Variants in SAMMSON observed in about 807,000 individuals in gnomAD.
SAMMSON encodes survival associated mitochondrial melanoma specific oncogenic non-coding RNA, also known as long intergenic non-protein coding RNA 1212.
At chr3:70,141,640 A>T (rs1312458345) in intron 4 of SAMMSON, among the ~76,000 whole-genome samples, 1 of 152,230 alleles carries the variant, frequency 6.6e-6, no homozygotes, top group Admixed American at 6.5e-5. Flanking sequence ...TAGTAAAAAT[A>T]GTGTATGTTT....
At chr3:70,264,691 T>C (rs796667457) in intron 6 of SAMMSON, among the ~76,000 whole-genome samples, 17 of 152,346 alleles carry the variant, frequency 1.1e-4, no homozygotes, top group African/African-American at 3.8e-4. Flanking sequence ...ACAGTGAACA[T>C]GGCAGATGCA....
chr3:70,369,449 G>A (rs566932962), intron 9 of SAMMSON, among the ~76,000 whole-genome samples: 14 of 151,236 alleles, frequency 9.3e-5, no homozygotes, highest in Non-Finnish European at 1.8e-4. Context: ...GAAATTTTCT[G>A]TAAGACAATT....
At chr3:70,413,222 T>G (rs182778033) in intron 2 of SAMMSON, among the ~76,000 whole-genome samples, 14 of 152,288 alleles carry the variant, frequency 9.2e-5, no homozygotes, top group African/African-American at 2.9e-4. Flanking sequence ...CAGAAATTCT[T>G]TAGCCTTCTT....
At chr3:70,045,592 C>T (rs767107912) in intron 3 of SAMMSON, among the ~76,000 whole-genome samples, 4 of 151,776 alleles carry the variant, frequency 2.6e-5, no homozygotes, top group Non-Finnish European at 4.4e-5. Flanking sequence ...TTGCTTCTTC[C>T]GCCCCCACTC....
rs371634019 is a variant in SAMMSON, at chr3:70,125,895, A to G, written n.507+54330A>G. The G allele has an allele frequency of 8.5e-5, 59 of 693,648 alleles. 1 individual carries two copies. Among genetic ancestry groups the G allele is most frequent in the South Asian group, 6.8e-4 (45 of 66,536 alleles). 43.0% of individuals were successfully genotyped at this position (693,648 alleles called of 1,614,324 possible). ...CACTGCTGTCATCTTCTAATTCTTCACTAGATAATTCCTCATCGTCTTCTG... is the reference window on the plus strand; with the variant it reads ...CACTGCTGTCATCTTCTAATTCTTCGCTAGATAATTCCTCATCGTCTTCTG... On this transcript the variant is annotated intron_variant and non_coding_transcript_variant, in intron 4 of 9. Coordinates refer to ENST00000642114, the Ensembl canonical transcript of SAMMSON.
intron 4 of SAMMSON, chr3:70,140,255 C>T (rs1327683192): frequency 2.2e-5 from 4 of 182,042 alleles, no homozygotes; most frequent in Middle Eastern, 2.9e-3. Flanking sequence ...TGACCAGGTC[C>T]GAAGATCTCA....
rs543841158 is a variant in SAMMSON at position 70,236,197 on chromosome 3, C to T, written n.508-12910C>T. ...ATGACTGCTAAATCCAAACTAAAATCGACTTGGCCCCTTGTGATCTACAGA... is the reference window on the plus strand; with the variant it reads ...ATGACTGCTAAATCCAAACTAAAATTGACTTGGCCCCTTGTGATCTACAGA... On this transcript the variant is annotated intron_variant and non_coding_transcript_variant, in intron 4 of 9. Transcript: ENST00000642114. 1.1e-4 allele frequency among the ~76,000 whole-genome samples: 16 copies of T among 152,270 alleles called. No homozygotes were observed. In the South Asian group the frequency reaches 1.7e-3, roughly 16 times the overall value.
chr3:70,230,634 A>G (rs1439838337), intron 4 of SAMMSON, among the ~76,000 whole-genome samples: 9 of 152,192 alleles, frequency 5.9e-5, no homozygotes, highest in Non-Finnish European at 4.4e-5. Flanking sequence ...AACAACAACA[A>G]AAAAAGTTGA....
chr3:70,246,848 A>C (rs1236646618), intron 4 of SAMMSON, among the ~76,000 whole-genome samples: 2 of 152,024 alleles, frequency 1.3e-5, no homozygotes, highest in African/African-American at 4.8e-5. Flanking sequence ...AAACAACCCT[A>C]CCATCTTAAA....
At chr3:70,191,214 T>G (rs1156686241) in intron 4 of SAMMSON, among the ~76,000 whole-genome samples, 2 of 152,250 alleles carry the variant, frequency 1.3e-5, no homozygotes, top group African/African-American at 4.8e-5. Context: ...AAATAAGTTG[T>G]GGCTTTGTAA....
chr3:70,109,450 G>T (rs1025806334), intron 4 of SAMMSON, among the ~76,000 whole-genome samples: 1 of 152,132 alleles, frequency 6.6e-6, no homozygotes, highest in Admixed American at 6.5e-5. Flanking sequence ...CACATACAGA[G>T]GTGCTTAAAG....
chr3:70,418,394 A>G (rs1430429911), intron 2 of SAMMSON, among the ~76,000 whole-genome samples: 2 of 152,134 alleles, frequency 1.3e-5, no homozygotes, highest in African/African-American at 2.4e-5. Context: ...TCAGGTACTT[A>G]TGTATTATCT....
Position 70,002,472 on chromosome 3 carries a change from CAAAG to C in SAMMSON, n.22+2609_22+2612del, listed in dbSNP as rs2066909952. Among the ~76,000 whole-genome samples, 2 of 152,094 alleles carry C rather than the reference CAAAG, an allele frequency of 1.3e-5. 1 individual carries two copies. The highest frequency in any genetic ancestry group is 1.3e-4 in the Admixed American group (2 of 15,282). Reference sequence around the variant, plus strand: ...AAAACTCAGAGAATATATAAAAACACAAAGAAAAGCCAGCCACCAAGTCGCTTAT... The same window carrying C: ...AAAACTCAGAGAATATATAAAAACACAAAAGCCAGCCACCAAGTCGCTTAT... On this transcript the variant is annotated intron_variant and non_coding_transcript_variant, in intron 1 of 9. Coordinates refer to ENST00000642114, the Ensembl canonical transcript of SAMMSON.
intron 9 of SAMMSON, among the ~76,000 whole-genome samples, chr3:70,379,941 G>A (rs548139442): frequency 6.6e-6 from 1 of 152,176 alleles, no homozygotes; most frequent in South Asian, 2.1e-4. Flanking sequence ...AAGGGAATAA[G>A]GCAATGGAAG....
At chr3:70,238,630 T>C (rs1247261090) in intron 4 of SAMMSON, among the ~76,000 whole-genome samples, 6 of 151,444 alleles carry the variant, frequency 4.0e-5, no homozygotes, top group Non-Finnish European at 8.8e-5. Context: ...AAAAAAAGTC[T>C]CTCTGAGAAT....
intron 2 of SAMMSON, among the ~76,000 whole-genome samples, chr3:70,400,667 C>T (rs1292627665): frequency 4.6e-5 from 7 of 152,164 alleles, no homozygotes; most frequent in Admixed American, 2.0e-4. Context: ...CAAGGTGGCT[C>T]ATGCCTGTAA....
chr3:70,006,783 G>A (rs1280084133), intron 1 of SAMMSON, among the ~76,000 whole-genome samples: 7 of 147,828 alleles, frequency 4.7e-5, no homozygotes, highest in Non-Finnish European at 9.0e-5. Flanking sequence ...ACATGTTAAT[G>A]CTATCCCTCC....
intron 7 of SAMMSON, among the ~76,000 whole-genome samples, chr3:70,352,998 G>A (rs1053735403): frequency 3.3e-5 from 5 of 151,906 alleles, no homozygotes; most frequent in Non-Finnish European, 5.9e-5. Context: ...AATTTTTTCA[G>A]CAAATGATAC....
intron 6 of SAMMSON, among the ~76,000 whole-genome samples, chr3:70,267,425 G>T (rs1575610651): frequency 7.7e-6 from 1 of 129,622 alleles, no homozygotes; most frequent in African/African-American, 2.9e-5. Context: ...TTTTTTGAGC[G>T]GGAGTCTCGC....
Sources: allele counts gnomAD v4.1 joint callset (sites outside exome capture counted in the v4.1 genomes callset), GRCh38; gene constraint gnomAD v4.1.1; transcripts MANE v1.5; gene names NCBI Gene and HGNC (gene_info 2026-07-23, HGNC 2026-07-21).